The following SMYD3 variants were observed in gnomAD, a reference collection of about 807,000 sequenced individuals.
SMYD3 encodes the protein histone-lysine N-methyltransferase SMYD3.
In SMYD3, 36 loss-of-function variants were observed where a neutral mutation model predicts 57.7. That is an observed-to-expected ratio of 0.62 (90% CI 0.48 to 0.82). The LOEUF is 0.82. Ranked by LOEUF, SMYD3 falls within the 40% of genes least tolerant of loss-of-function variation. The pLI is 0.00. For synonymous variants in SMYD3, 211 were observed against 195.0 expected (o/e 1.08, Z -0.68); for missense variants, 515 against 538.8 (o/e 0.96, Z 0.44).
Position 245,776,721 on chromosome 1 carries a change from C to T in SMYD3, c.1077-12572G>A, listed in dbSNP as rs544213299. ...TGCTGGGAAGCAGAGATGTTCTCTT[C>T]TTTGAAGATTTTCAAAGAAAAAATA... On this transcript the variant is annotated intron_variant, in intron 10 of 11. Coordinates refer to ENST00000490107, the MANE Select transcript of SMYD3 (RefSeq NM_001167740.2). Among the ~76,000 whole-genome samples the T allele has an allele frequency of 2.0e-4, 30 of 152,308 alleles. 1 individual carries two copies. The South Asian group carries it at 5.6e-3, about 28-fold the overall frequency.
chr1:246,426,722 G>A (rs552352608), intron 1 of SMYD3, among the ~76,000 whole-genome samples: 1 of 152,070 alleles, frequency 6.6e-6, no homozygotes, highest in African/African-American at 2.4e-5. Flanking sequence ...CCCAACCTTT[G>A]TGGGAATATT....
At chr1:246,457,540 AAAAAAAAAGAAAAG>A (rs1221133826) in intron 1 of SMYD3, among the ~76,000 whole-genome samples, 28,623 of 146,370 alleles carry the variant, frequency 0.2, 3,129 homozygotes, top group Middle Eastern at 0.25. Context: ...CTCAAAAAAA[AAAAAAAAAGAAAAG>A]AAAAGAAAAG....
intron 5 of SMYD3, among the ~76,000 whole-genome samples, chr1:246,236,474 G>A (rs1221002276): frequency 1.3e-5 from 2 of 152,014 alleles, no homozygotes; most frequent in African/African-American, 2.4e-5. Flanking sequence ...GAGTGCAGTG[G>A]TGCGATCTCG....
chr1:246,481,609 C>CACACAT (rs1553354781), intron 1 of SMYD3, among the ~76,000 whole-genome samples: 1 of 34,196 alleles, frequency 2.9e-5, no homozygotes, highest in African/African-American at 1.2e-4. Context: ...TATATATATA[C>CACACAT]ACATACATAT....
At chr1:245,914,316 C>A (rs2055238253) in intron 8 of SMYD3, among the ~76,000 whole-genome samples, 1 of 152,222 alleles carries the variant, frequency 6.6e-6, no homozygotes, top group African/African-American at 2.4e-5. Flanking sequence ...GGGATACCTG[C>A]AGCCCCATGT....
In SMYD3 at chr1:246,264,417, A is replaced by G. The variant is rs540727182; in HGVS notation, c.531+62784T>C. Among the ~76,000 whole-genome samples the G allele has an allele frequency of 7.2e-5, 11 of 152,338 alleles. No individual in the cohort carries two copies. The South Asian group carries it at 2.3e-3, about 32-fold the overall frequency. On this transcript the variant is annotated intron_variant, in intron 5 of 11. Coordinates refer to ENST00000490107, the MANE Select transcript of SMYD3 (RefSeq NM_001167740.2). ...ATAATCCCAGCATTTTGGGAAGCCA[A>G]GGTAGGAGGATGGCTTCAGCCCAGA...
At chr1:246,405,171 C>T (rs983103970) in intron 1 of SMYD3, among the ~76,000 whole-genome samples, 1 of 152,192 alleles carries the variant, frequency 6.6e-6, no homozygotes, top group East Asian at 1.9e-4. Context: ...AGGCTGGTCT[C>T]AAACTCCTGG....
At chr1:245,766,298 G>T (rs867377195) in intron 10 of SMYD3, among the ~76,000 whole-genome samples, 1 of 151,594 alleles carries the variant, frequency 6.6e-6, no homozygotes, top group Non-Finnish European at 1.5e-5. Flanking sequence ...AGCTACTCGG[G>T]AGGCTGAGGC....
At chr1:246,425,750 G>A (rs2067208936) in intron 1 of SMYD3, among the ~76,000 whole-genome samples, 1 of 152,048 alleles carries the variant, frequency 6.6e-6, no homozygotes, top group Non-Finnish European at 1.5e-5. Flanking sequence ...GGTGCTTCCT[G>A]GGATCATCTC....
Position 245,885,061 on chromosome 1 carries a change from G to A in SMYD3, c.814-21175C>T, listed in dbSNP as rs112087542. Reference sequence around the variant, plus strand: ...CTGCGGCTTCACTCCTGAAGTCAGCGAGACCACACACCCACTGGGAAGAAC... The same window carrying A: ...CTGCGGCTTCACTCCTGAAGTCAGCAAGACCACACACCCACTGGGAAGAAC... On this transcript the variant is annotated intron_variant, in intron 8 of 11. Coordinates refer to ENST00000490107, the MANE Select transcript of SMYD3 (RefSeq NM_001167740.2). 3.4e-3 allele frequency among the ~76,000 whole-genome samples: 516 copies of A among 151,834 alleles called. 4 individuals carry two copies. Among genetic ancestry groups the A allele is most frequent in the African/African-American group, 0.012 (486 of 41,360 alleles).
chr1:246,113,062 A>G (rs976575932), intron 5 of SMYD3, among the ~76,000 whole-genome samples: 1 of 152,042 alleles, frequency 6.6e-6, no homozygotes, highest in Non-Finnish European at 1.5e-5. Flanking sequence ...TGAGCCTGTA[A>G]TCTCAGATAC....
rs531764384 is a variant in SMYD3, at chr1:246,034,376, A to C, written c.532-104439T>G. The C allele has an allele frequency of 5.3e-5, 8 of 152,368 alleles. No individual in the cohort carries two copies. In the South Asian group the frequency reaches 1.0e-3, roughly 20 times the overall value. 9.4% of individuals were successfully genotyped at this position (152,368 alleles called of 1,614,324 possible). A position where few individuals can be genotyped will look rare whatever the true frequency, so the allele number is the denominator to read the frequency against. Reference sequence around the variant, plus strand: ...GCCAACTAATTTCTTCCATCAAAAAATATGACCAGTGGAGCAGGTTGTAGG... The same window carrying C: ...GCCAACTAATTTCTTCCATCAAAAACTATGACCAGTGGAGCAGGTTGTAGG... On this transcript the variant is annotated intron_variant, in intron 5 of 11. Transcript: ENST00000490107.
At chr1:246,428,825 G>A (rs199577277) in intron 1 of SMYD3, among the ~76,000 whole-genome samples, 22 of 48,848 alleles carry the variant, frequency 4.5e-4, no homozygotes, top group Non-Finnish European at 7.1e-4. Context: ...CTTAACCGCC[G>A]ATGCTCTGCT....
At chr1:246,052,419 G>C (rs1037927368) in intron 5 of SMYD3, 13 of 151,974 alleles carry the variant, frequency 8.6e-5, no homozygotes, top group African/African-American at 2.9e-4. Flanking sequence ...AGATGAGATA[G>C]ATAACAGGAA....
intron 5 of SMYD3, chr1:246,035,194 T>A (rs1439156027): frequency 6.6e-6 from 1 of 152,220 alleles, no homozygotes; most frequent in Non-Finnish European, 1.5e-5. Flanking sequence ...CCAAAATTAA[T>A]ATAGTAAACA....
intron 5 of SMYD3, among the ~76,000 whole-genome samples, chr1:246,224,337 T>C (rs1229479636): frequency 6.6e-6 from 1 of 152,002 alleles, no homozygotes; most frequent in Admixed American, 6.5e-5. Flanking sequence ...GCACAGGAAT[T>C]AGCAACTGCA....
chr1:245,787,405 A>T (rs770192294), intron 10 of SMYD3, among the ~76,000 whole-genome samples: 8 of 152,278 alleles, frequency 5.3e-5, no homozygotes, highest in Non-Finnish European at 1.0e-4. Context: ...ACCAGTTCAC[A>T]TCCACACTGT....
intron 5 of SMYD3, among the ~76,000 whole-genome samples, chr1:246,053,395 A>G (rs950300646): frequency 1.3e-5 from 2 of 152,130 alleles, no homozygotes; most frequent in Non-Finnish European, 2.9e-5. Context: ...AGAAAAAAAA[A>G]AGTTAGAGGG....
intron 10 of SMYD3, among the ~76,000 whole-genome samples, chr1:245,830,607 C>T (rs2049777801): frequency 6.6e-6 from 1 of 152,188 alleles, no homozygotes; most frequent in Non-Finnish European, 1.5e-5. Context: ...GAGAATACCC[C>T]TCTGGGGAAG....
Sources: allele counts gnomAD v4.1 joint callset (sites outside exome capture counted in the v4.1 genomes callset), GRCh38; gene constraint gnomAD v4.1.1; transcripts MANE v1.5; gene names NCBI Gene and HGNC (gene_info 2026-07-23, HGNC 2026-07-21).